LAMB1: variants seen among roughly 807,000 people sequenced by gnomAD.
The protein encoded by LAMB1 is laminin subunit beta 1, also known as laminin subunit beta-1.
In LAMB1, 121 loss-of-function variants were observed where a neutral mutation model predicts 222.3. That is an observed-to-expected ratio of 0.54 (90% CI 0.47 to 0.63). The LOEUF is 0.63. LAMB1 is among the 30% of genes least tolerant of loss of function. LAMB1 has a pLI of 0.00. For synonymous variants in LAMB1, 794 were observed against 807.2 expected (o/e 0.98, Z 0.28); for missense variants, 2,172 against 2,240.8 (o/e 0.97, Z 0.62).
intron 5 of LAMB1, among the ~76,000 whole-genome samples, chr7:107,988,467 G>T (rs777107904): frequency 6.6e-6 from 1 of 152,150 alleles, no homozygotes; most frequent in Non-Finnish European, 1.5e-5. Context: ...AAAGGAATGG[G>T]TAAGATAAAG....
chr7:108,001,612 G>A lies in LAMB1; in HGVS notation c.159C>T (p.Thr53=), dbSNP rs756901023. 2 of 1,613,020 alleles carry A rather than the reference G, an allele frequency of 1.2e-6. No homozygotes were observed. The highest frequency in any genetic ancestry group is 1.7e-6 in the Non-Finnish European group (2 of 1,179,812). Residue 53 remains threonine, a synonymous_variant, in exon 3 of 34, where the codon ACC becomes ACT. Transcript: ENST00000222399. Reference sequence around the variant, plus strand: ...CGGGCTTGTGCAGCCCGCACGTCGAGGTCACCGAAAGCTTCTGTGCTCGGC... The same window carrying A: ...CGGGCTTGTGCAGCCCGCACGTCGAAGTCACCGAAAGCTTCTGTGCTCGGC... The part of the protein sequence containing the change: ...LIGRAQKLSV[T]STCGLHKPEP...
At position 107,991,449 on chromosome 7, in the gene LAMB1, T is replaced by C. The variant is rs150947002; in HGVS notation, c.423+3438A>G. On this transcript the variant is annotated intron_variant, in intron 5 of 33. Transcript: ENST00000222399. ...CTAAAAATACAAAAGTAGCCGGGTG[T>C]GGTGGTACATGCGTGTAATCCCAGC... Among the ~76,000 whole-genome samples, 1,162 of 152,022 alleles carry C rather than the reference T, an allele frequency of 7.6e-3. 12 individuals carry two copies. The highest frequency in any genetic ancestry group is 0.025 in the African/African-American group (1,032 of 41,456).
intron 26 of LAMB1, 91 bp from the exon 27 acceptor site, chr7:107,935,747 A>C: frequency 7.4e-7 from 1 of 1,351,780 alleles, no homozygotes; most frequent in South Asian, 1.5e-5. Context: ...TTCGGGTCCT[A>C]AATTTACTGT....
chr7:108,001,406 AGGT>A (rs1455722077), intron 3 of LAMB1, 149 bp downstream of exon 3: 1 of 824,844 alleles, frequency 1.2e-6, no homozygotes. Flanking sequence ...ATGGGGCGAA[AGGT>A]TGAGCTACAA....
chr7:107,937,886 T>A (rs2032885086), intron 25 of LAMB1, among the ~76,000 whole-genome samples: 1 of 152,136 alleles, frequency 6.6e-6, no homozygotes, highest in Non-Finnish European at 1.5e-5. Context: ...ATAAGAAGAT[T>A]TAGCTTTCAC....
At chr7:108,000,555 A>T (rs559134811) in intron 3 of LAMB1, among the ~76,000 whole-genome samples, 5 of 152,298 alleles carry the variant, frequency 3.3e-5, no homozygotes, top group East Asian at 1.9e-4. Flanking sequence ...ATTTAAAAAA[A>T]TTTTTTGAGA....
At chr7:107,928,968 G>T in intron 31 of LAMB1, 96 bp downstream of exon 31, 2 of 1,175,250 alleles carry the variant, frequency 1.7e-6, no homozygotes, top group Non-Finnish European at 2.5e-6. Flanking sequence ...TTAATGTTGA[G>T]TTGTAAGAAT....
intron 25 of LAMB1, among the ~76,000 whole-genome samples, chr7:107,939,503 A>T (rs2116350837): frequency 6.6e-6 from 1 of 152,270 alleles, no homozygotes; most frequent in Admixed American, 6.5e-5. Context: ...GCAATACTTA[A>T]TTTATAATTT....
At chr7:107,941,413 T>G (rs2032978525) in intron 24 of LAMB1, among the ~76,000 whole-genome samples, 1 of 152,220 alleles carries the variant, frequency 6.6e-6, no homozygotes, top group Admixed American at 6.5e-5. Context: ...ATATACTATC[T>G]TATTTCCCTA....
intron 3 of LAMB1, 81 bp downstream of exon 3, chr7:108,001,477 G>A: frequency 1.4e-6 from 2 of 1,404,958 alleles, no homozygotes; most frequent in Non-Finnish European, 9.5e-7. Flanking sequence ...CTGGAAGGAT[G>A]CGGAGTCCCC....
At chr7:107,933,574 G>GT (rs993349230) in intron 27 of LAMB1, among the ~76,000 whole-genome samples, 1 of 151,036 alleles carries the variant, frequency 6.6e-6, no homozygotes, top group African/African-American at 2.5e-5. Flanking sequence ...TAGAAGATCT[G>GT]TTTTGTTTCA....
chr7:107,964,426 T>G (rs1433301448), intron 14 of LAMB1, 126 bp downstream of exon 14: 5 of 1,108,780 alleles, frequency 4.5e-6, no homozygotes, highest in Non-Finnish European at 6.7e-6. Flanking sequence ...ATGGTCCTGA[T>G]CCTTATTTTG....
intron 14 of LAMB1, among the ~76,000 whole-genome samples, chr7:107,963,325 T>C (rs1389614588): frequency 6.6e-6 from 1 of 152,122 alleles, no homozygotes; most frequent in African/African-American, 2.4e-5. Context: ...CCTTATTTGA[T>C]ATGACCAGGA....
intron 26 of LAMB1, 77 bp downstream of exon 26, chr7:107,937,016 C>A: frequency 8.2e-7 from 1 of 1,220,266 alleles, no homozygotes; most frequent in Non-Finnish European, 1.1e-6. Context: ...TTTTTTTTCC[C>A]CAAAAGTGCT....
intron 5 of LAMB1, 105 bp from the exon 6 acceptor site, chr7:107,986,468 C>G: frequency 2.3e-6 from 2 of 871,028 alleles, no homozygotes; most frequent in South Asian, 3.7e-5. Flanking sequence ...CAAACTTGAA[C>G]TGCATATGGT....
intron 13 of LAMB1, among the ~76,000 whole-genome samples, chr7:107,972,587 C>CA (rs60255621): frequency 0.062 from 8,192 of 132,636 alleles, 721 homozygotes; most frequent in African/African-American, 0.21. Context: ...TTGGAAGTCA[C>CA]AAAAAAAAAA....
chr7:107,988,587 TG>T (rs1198258878), intron 5 of LAMB1, among the ~76,000 whole-genome samples: 3 of 152,212 alleles, frequency 2.0e-5, no homozygotes, highest in Non-Finnish European at 4.4e-5. Flanking sequence ...CTCTATAATT[TG>T]GGCTGATTTG....
intron 24 of LAMB1, among the ~76,000 whole-genome samples, chr7:107,947,393 T>C (rs2033140772): frequency 6.6e-6 from 1 of 152,230 alleles, no homozygotes; most frequent in Admixed American, 6.5e-5. Flanking sequence ...ATTACATAAC[T>C]GGAGAAAAGA....
At chr7:107,929,776 T>TTAA in intron 29 of LAMB1, 157 bp from the exon 30 acceptor site, 1 of 606,678 alleles carries the variant, frequency 1.6e-6, no homozygotes, top group South Asian at 2.1e-5. Context: ...ATCTGGGATT[T>TTAA]TGAGGGGAGA....
Sources: gnomAD v4.1 joint callset for allele counts (sites outside exome capture counted in the v4.1 genomes callset) on GRCh38, gnomAD v4.1.1 for gene constraint, MANE v1.5 for transcripts, NCBI Gene and HGNC (gene_info 2026-07-23, HGNC 2026-07-21) for gene names.